The following FBXO21 variants were observed in gnomAD, a reference collection of about 807,000 sequenced individuals.
FBXO21 encodes F-box only protein 21.
A neutral mutation model predicts 76.6 loss-of-function variants in FBXO21; 32 were observed. That is an observed-to-expected ratio of 0.42 (90% CI 0.32 to 0.56). The LOEUF (loss-of-function observed/expected upper bound fraction) is 0.56, where lower values mean the gene tolerates loss of function less well. FBXO21 is among the 20% of genes least tolerant of loss of function. The pLI is 0.16. For missense variants in FBXO21, 586 were observed against 797.3 expected (o/e 0.73, Z 3.19); for synonymous variants, 328 against 311.5 (o/e 1.05, Z -0.56).
chr12:117,190,230 T>C lies in FBXO21; in HGVS notation c.227A>G (p.Gln76Arg), dbSNP rs374602934. The C allele has an allele frequency of 2.0e-6, 3 of 1,523,814 alleles. No individual in the cohort carries two copies. The highest frequency in any genetic ancestry group is 2.6e-6 in the Non-Finnish European group (3 of 1,145,022). 94.4% of individuals were successfully genotyped at this position (1,523,814 alleles called of 1,614,324 possible). ...CQSSGKVWKE[Q>R]FRVRWPSLMK... is the part of the protein sequence containing the mutation. ...GCCGCTGGCTCACCTCACCCGGAAC[T>C]GCTCCTTCCACACCTTCCCGCTGCT... is the stretch of plus-strand genomic sequence containing the variant. Residue 76 changes from glutamine to arginine, a missense_variant, in exon 1 of 12, where the codon CAG becomes CGG. Transcript: ENST00000622495.
Position 117,145,863 on chromosome 12 carries a change from T to A in FBXO21, c.*224A>T, listed in dbSNP as rs1429109379. The A allele has an allele frequency of 4.4e-5, 18 of 406,642 alleles. No homozygotes were observed. The East Asian group carries it at 7.2e-4, about 16-fold the overall frequency. 25.2% of individuals were successfully genotyped at this position (406,642 alleles called of 1,614,324 possible). A position where few individuals can be genotyped will look rare whatever the true frequency, so the allele number is the denominator to read the frequency against. On this transcript the variant is annotated 3_prime_UTR_variant, in exon 12 of 12. Transcript: ENST00000622495. ...CATACAAGCCATGCCACTGACACAG[T>A]GCCTTTCAGATTAATTCACTAGTGT...
intron 3 of FBXO21, among the ~76,000 whole-genome samples, chr12:117,180,128 T>C (rs1428831355): frequency 2.0e-5 from 3 of 149,868 alleles, no homozygotes; most frequent in Non-Finnish European, 4.5e-5. Context: ...TCTTACTATC[T>C]GGTTAGGTTT....
chr12:117,182,709 T>C (rs1011013206), intron 3 of FBXO21, among the ~76,000 whole-genome samples: 10 of 151,782 alleles, frequency 6.6e-5, no homozygotes, highest in African/African-American at 2.4e-4. Flanking sequence ...ATTACAGGCG[T>C]GTGCCACCAT....
Position 117,190,267 on chromosome 12 carries a change from C to T in FBXO21, c.190G>A (p.Glu64Lys), listed in dbSNP as rs1269322339. The change falls in exon 1 of 12, where the codon GAG (glutamate) becomes AAG (lysine). Residue 64 changes from glutamate (E) to lysine (K), a missense_variant. This residue lies in a region of FBXO21 where 152 missense variants were observed against 127.2 expected (regional missense o/e 1.19). Coordinates refer to ENST00000622495, the MANE Select transcript of FBXO21 (RefSeq NM_015002.3). Reference protein sequence around the residue: ...RVSSTCRRLRELCQSSGKVWK... With the variant: ...RVSSTCRRLRKLCQSSGKVWK... ...ACCTTCCCGCTGCTCTGGCACAGCT[C>T]GCGCAGCCGCCGGCAGGTGCTGGAG... 6.5e-7 allele frequency: 1 copy of T among 1,545,262 alleles called. No individual in the cohort carries two copies. The highest frequency in any genetic ancestry group is 1.9e-5 in the Admixed American group (1 of 52,588).
In FBXO21 at chr12:117,144,319, A is replaced by C. The variant is rs1322521967; in HGVS notation, c.*1768T>G. On this transcript the variant is annotated 3_prime_UTR_variant, in exon 12 of 12. Transcript: ENST00000622495. ...ACAATCCTCCCAACCTTGGCGGGCC[A>C]GGTGCTGTGAGTGGTTACGTTTCCA... 1 of 152,202 alleles carries C rather than the reference A, an allele frequency of 6.6e-6. No homozygotes were observed. Among genetic ancestry groups the C allele is most frequent in the Non-Finnish European group, 1.5e-5 (1 of 68,046 alleles). The allele number at this position is 152,202 out of a possible 1,614,324, so 9.4% of individuals were successfully genotyped here.
chr12:117,186,779 T>C (rs997301211), intron 2 of FBXO21, among the ~76,000 whole-genome samples: 4 of 152,242 alleles, frequency 2.6e-5, no homozygotes, highest in African/African-American at 9.7e-5. Context: ...TAATCAATGA[T>C]GTTTTCATAG....
At chr12:117,174,122 G>A (rs1204319184) in intron 6 of FBXO21, 83 bp downstream of exon 6, 9 of 1,147,762 alleles carry the variant, frequency 7.8e-6, no homozygotes, top group Non-Finnish European at 1.2e-5. Context: ...GAGCAACAGA[G>A]CGAGACCCTG....
At chr12:117,147,623 T>C (rs1478467037) in intron 11 of FBXO21, among the ~76,000 whole-genome samples, 1 of 141,016 alleles carries the variant, frequency 7.1e-6, no homozygotes, top group South Asian at 2.2e-4. Flanking sequence ...AAAAAAGAGA[T>C]AATACAGGCA....
intron 9 of FBXO21, among the ~76,000 whole-genome samples, chr12:117,161,453 T>C (rs776722041): frequency 6.6e-6 from 1 of 151,484 alleles, no homozygotes; most frequent in Non-Finnish European, 1.5e-5. Context: ...GGAGCCACCC[T>C]GAGGGGTTTA....
chr12:117,185,520 C>G (rs1431970156), intron 3 of FBXO21, among the ~76,000 whole-genome samples: 1 of 152,150 alleles, frequency 6.6e-6, no homozygotes, highest in Non-Finnish European at 1.5e-5. Flanking sequence ...GCTGGAAGCC[C>G]ACTCATCTTT....
At chr12:117,150,956 T>TTGTGTGTGTGTG (rs3999685) in intron 11 of FBXO21, among the ~76,000 whole-genome samples, 1 of 94,712 alleles carries the variant, frequency 1.1e-5, no homozygotes, top group Non-Finnish European at 2.1e-5. Flanking sequence ...TCAAATAAGT[T>TTGTGTGTGTGTG]TGTGTGTGTG....
At chr12:117,175,432 C>A (rs2135875703) in intron 4 of FBXO21, among the ~76,000 whole-genome samples, 1 of 152,356 alleles carries the variant, frequency 6.6e-6, no homozygotes, top group Non-Finnish European at 1.5e-5. Flanking sequence ...ATTTTGGAAG[C>A]AGAGACTGAA....
At chr12:117,159,903 G>A (rs1417734855) in intron 9 of FBXO21, among the ~76,000 whole-genome samples, 2 of 152,224 alleles carry the variant, frequency 1.3e-5, no homozygotes, top group African/African-American at 2.4e-5. Context: ...GGCTGAGCGC[G>A]AAGGGAGAGG....
chr12:117,150,959 TGTGTGTGTGTGTGTGTGTG>T (rs1955834970), intron 11 of FBXO21, among the ~76,000 whole-genome samples: 1 of 38,868 alleles, frequency 2.6e-5, no homozygotes, highest in Admixed American at 1.6e-4. Context: ...AATAAGTTTG[TGTGTGTGTGTGTGTGTGTG>T]TGTGTGTGTG....
intron 8 of FBXO21, 94 bp downstream of exon 8, chr12:117,166,804 C>G (rs769224952): frequency 1.4e-4 from 148 of 1,058,554 alleles, no homozygotes; most frequent in Non-Finnish European, 2.0e-4. Context: ...CTGCAAAGAT[C>G]TCAACGAAAA....
intron 8 of FBXO21, among the ~76,000 whole-genome samples, chr12:117,165,866 T>G (rs944041964): frequency 2.0e-5 from 3 of 152,182 alleles, no homozygotes; most frequent in African/African-American, 7.2e-5. Context: ...TACTAAGCAG[T>G]CACTGCAATA....
intron 10 of FBXO21, among the ~76,000 whole-genome samples, chr12:117,157,198 G>C (rs1178395465): frequency 6.7e-6 from 1 of 150,002 alleles, no homozygotes; most frequent in Non-Finnish European, 1.5e-5. Context: ...AAAAAAAAAA[G>C]AAAAAAAGAA....
chr12:117,160,085 G>A (rs1955960897), intron 9 of FBXO21, among the ~76,000 whole-genome samples: 1 of 152,136 alleles, frequency 6.6e-6, no homozygotes, highest in Non-Finnish European at 1.5e-5. Flanking sequence ...TCCCTATACT[G>A]CTCTTCTCCC....
chr12:117,162,928 G>C (rs1340791031), intron 9 of FBXO21, among the ~76,000 whole-genome samples: 1 of 152,128 alleles, frequency 6.6e-6, no homozygotes, highest in Non-Finnish European at 1.5e-5. Flanking sequence ...CATTTTTCAA[G>C]GTCACACCTG....
Sources: allele counts gnomAD v4.1 joint callset (sites outside exome capture counted in the v4.1 genomes callset), GRCh38; gene constraint gnomAD v4.1.1; regional missense constraint gnomAD v4.1.1; transcripts MANE v1.5; gene names NCBI Gene and HGNC (gene_info 2026-07-23, HGNC 2026-07-21).